RNF169: variants seen among roughly 807,000 people sequenced by gnomAD.
RNF169 encodes ring finger protein 169.
In RNF169, 24 loss-of-function variants were observed where a neutral mutation model predicts 53.9. That is an observed-to-expected ratio of 0.45 (90% confidence interval 0.32 to 0.63). The LOEUF is 0.63. RNF169 is among the 20% of genes least tolerant of loss of function. The pLI is 0.04. For synonymous variants in RNF169, 396 were observed against 363.5 expected, an observed-to-expected ratio of 1.09 and a Z score of -1.02; for missense variants, 883 against 906.2, an observed-to-expected ratio of 0.97 and a Z score of 0.33.
intron 3 of RNF169, among the ~76,000 whole-genome samples, chr11:74,812,523 CTCA>C (rs2035888527): frequency 6.6e-6 from 1 of 152,066 alleles, no homozygotes; most frequent in Non-Finnish European, 1.5e-5. Flanking sequence ...CCAGGCTGGT[CTCA>C]AACTCCTGGG....
At chr11:74,770,441 A>G (rs1369242554) in intron 1 of RNF169, among the ~76,000 whole-genome samples, 1 of 152,258 alleles carries the variant, frequency 6.6e-6, no homozygotes, top group African/African-American at 2.4e-5. Flanking sequence ...GCTTAGTATT[A>G]CTGAGGCCAT....
intron 1 of RNF169, among the ~76,000 whole-genome samples, chr11:74,766,576 A>T (rs1438509983): frequency 6.6e-6 from 1 of 152,224 alleles, no homozygotes; most frequent in Non-Finnish European, 1.5e-5. Context: ...TATAGCTAAG[A>T]TGATATGATG....
chr11:74,815,387 C>T (rs1020765516), intron 3 of RNF169, among the ~76,000 whole-genome samples: 1 of 152,028 alleles, frequency 6.6e-6, no homozygotes, highest in Admixed American at 6.6e-5. Flanking sequence ...GAAACCCTGT[C>T]TCTACCAAAA....
chr11:74,789,717 C>A lies in RNF169; in HGVS notation c.576+18C>A, dbSNP rs370072702. 3.5e-5 allele frequency: 51 copies of A among 1,472,666 alleles called. No individual in the cohort carries two copies. The African/African-American group carries it at 6.5e-4, about 19-fold the overall frequency. The allele number at this position is 1,472,666 out of a possible 1,614,324, so 91.2% of individuals were successfully genotyped here. A position where few individuals can be genotyped will look rare whatever the true frequency, so the allele number is the denominator to read the frequency against. On this transcript the variant is annotated intron_variant, in intron 2 of 5. Coordinates refer to ENST00000299563, the MANE Select transcript of RNF169 (RefSeq NM_001098638.2). ...TGAGAAAGGTATAGTATTATCATGT[C>A]ATTCATTTTCTTAAAGTAGATTGAA...
At chr11:74,777,040 A>G (rs1046084405) in intron 1 of RNF169, among the ~76,000 whole-genome samples, 2 of 152,206 alleles carry the variant, frequency 1.3e-5, no homozygotes, top group African/African-American at 2.4e-5. Flanking sequence ...TGTTAAAGAT[A>G]GATGGAAAGA....
intron 1 of RNF169, among the ~76,000 whole-genome samples, chr11:74,779,407 T>C (rs190807268): frequency 4.6e-5 from 7 of 152,300 alleles, no homozygotes; most frequent in African/African-American, 1.7e-4. Flanking sequence ...TCAGTTCAAC[T>C]TTCTTTCTGT....
intron 1 of RNF169, among the ~76,000 whole-genome samples, chr11:74,756,253 A>G (rs71465933): frequency 3.9e-5 from 6 of 152,240 alleles, no homozygotes; most frequent in Non-Finnish European, 5.9e-5. Context: ...GAAATGTGGT[A>G]TTATAAGTAT....
intron 2 of RNF169, among the ~76,000 whole-genome samples, chr11:74,804,090 T>A (rs2035771291): frequency 6.6e-6 from 1 of 152,154 alleles, no homozygotes; most frequent in Non-Finnish European, 1.5e-5. Flanking sequence ...GTTCTCCCCA[T>A]ATCTGTGTGG....
At position 74,836,969 on chromosome 11, in the gene RNF169, A is replaced by G; in HGVS notation, c.*239A>G. On this transcript the variant is annotated 3_prime_UTR_variant, in exon 6 of 6. Coordinates refer to ENST00000299563, the MANE Select transcript of RNF169 (RefSeq NM_001098638.2). ...GGGCTTCTGGGCCAAACCTGGCAGC[A>G]CCCACTGGGAATGAGATTTGGAACG... 2.4e-6 allele frequency: 1 copy of G among 423,938 alleles called. No homozygotes were observed. Among genetic ancestry groups the G allele is most frequent in the South Asian group, 3.7e-5 (1 of 27,292 alleles). 26.3% of individuals were successfully genotyped at this position (423,938 alleles called of 1,614,324 possible).
intron 4 of RNF169, among the ~76,000 whole-genome samples, chr11:74,828,479 TTTTAAAATTCATATGGAACCAAAACCA>T (rs1315134398): frequency 6.6e-6 from 1 of 152,186 alleles, no homozygotes; most frequent in Admixed American, 6.5e-5. Context: ...GAAAAAACTA[TTTTAAAATTCATATGGAACCAAAACCA>T]TTTAAAATTC....
intron 4 of RNF169, among the ~76,000 whole-genome samples, chr11:74,821,025 C>T (rs2036002406): frequency 6.6e-6 from 1 of 152,216 alleles, no homozygotes; most frequent in Admixed American, 6.5e-5. Context: ...CCAAGAACCT[C>T]TCAACTCATT....
intron 4 of RNF169, chr11:74,831,331 T>G (rs1304613919): frequency 3.9e-5 from 6 of 152,174 alleles, no homozygotes; most frequent in African/African-American, 1.4e-4. Flanking sequence ...AAAAATCAGT[T>G]GCATTTCTAT....
chr11:74,767,132 A>C (rs1691541795), intron 1 of RNF169, among the ~76,000 whole-genome samples: 2 of 152,110 alleles, frequency 1.3e-5, no homozygotes, highest in Non-Finnish European at 2.9e-5. Context: ...GAATCACCAC[A>C]CCTGGCATGA....
intron 1 of RNF169, among the ~76,000 whole-genome samples, chr11:74,765,931 A>G (rs571012948): frequency 6.6e-5 from 10 of 152,158 alleles, no homozygotes; most frequent in Non-Finnish European, 2.9e-5. Context: ...TAAAGAGCAG[A>G]AATTAATGGA....
intron 4 of RNF169, chr11:74,831,409 T>C (rs543298746): frequency 1.1e-4 from 17 of 152,270 alleles, no homozygotes; most frequent in Admixed American, 5.2e-4. Flanking sequence ...CATCAAAAAA[T>C]AGAATACTTA....
At chr11:74,783,239 T>TTG (rs1285159830) in intron 1 of RNF169, among the ~76,000 whole-genome samples, 2 of 150,942 alleles carry the variant, frequency 1.3e-5, no homozygotes, top group African/African-American at 4.9e-5. Flanking sequence ...TGTAGTTTGT[T>TTG]TTGTTTTTTT....
chr11:74,815,265 G>A (rs2035927763), intron 3 of RNF169, among the ~76,000 whole-genome samples: 1 of 152,176 alleles, frequency 6.6e-6, no homozygotes, highest in South Asian at 2.1e-4. Context: ...ATAATTGAAA[G>A]GAACTTGGCG....
chr11:74,840,771 C>T lies in RNF169; in HGVS notation c.*4041C>T, dbSNP rs2036400402. 1 of 149,760 alleles carries T rather than the reference C, an allele frequency of 6.7e-6. No individual in the cohort carries two copies. Among genetic ancestry groups the T allele is most frequent in the Non-Finnish European group, 1.5e-5 (1 of 67,850 alleles). 9.3% of individuals were successfully genotyped at this position (149,760 alleles called of 1,614,324 possible). Reference sequence around the variant, plus strand: ...AAATCATCCAAGTTAAACTTCTTCTCTGCCCCCCGCCCCCACTTTTTTTTT... The same window carrying T: ...AAATCATCCAAGTTAAACTTCTTCTTTGCCCCCCGCCCCCACTTTTTTTTT... On this transcript the variant is annotated 3_prime_UTR_variant, in exon 6 of 6. Coordinates refer to ENST00000299563, the MANE Select transcript of RNF169 (RefSeq NM_001098638.2).
chr11:74,782,625 C>CT (rs369455424), intron 1 of RNF169, among the ~76,000 whole-genome samples: 3 of 152,294 alleles, frequency 2.0e-5, no homozygotes, highest in African/African-American at 7.2e-5. Context: ...TGGATGGCCC[C>CT]TTATGGCATG....
Sources: gnomAD v4.1 joint callset for allele counts (sites outside exome capture counted in the v4.1 genomes callset) on GRCh38, gnomAD v4.1.1 for gene constraint, MANE v1.5 for transcripts, NCBI Gene and HGNC (gene_info 2026-07-23, HGNC 2026-07-21) for gene names.